The following FHIT variants were observed in gnomAD, a reference collection of about 807,000 sequenced individuals.
FHIT encodes the protein fragile histidine triad diadenosine triphosphatase.
In FHIT, 19 loss-of-function variants were observed where a neutral mutation model predicts 17.9. The observed-to-expected ratio is 1.06, with a 90% CI of 0.74 to 1.56. The LOEUF (loss-of-function observed/expected upper bound fraction) is 1.56. Ranked by LOEUF, FHIT falls within the 40% of genes most tolerant of loss-of-function variation. FHIT has a pLI of 0.00. For missense variants in FHIT, 248 were observed against 189.2 expected (o/e 1.31, Z -1.82); for synonymous variants, 81 against 69.7 (o/e 1.16, Z -0.81).
chr3:60,420,798 A>G (rs1025465894), intron 5 of FHIT, among the ~76,000 whole-genome samples: 1 of 152,130 alleles, frequency 6.6e-6, no homozygotes, highest in East Asian at 1.9e-4. Context: ...CACCTAGCTC[A>G]GTGTTTGCAT....
chr3:60,672,902 T>TGTGTGTGC (rs1321745558), intron 4 of FHIT, among the ~76,000 whole-genome samples: 1 of 151,540 alleles, frequency 6.6e-6, no homozygotes, highest in African/African-American at 2.4e-5. Context: ...TGTGTGTGTG[T>TGTGTGTGC]GTGTGCATGC....
At chr3:59,998,598 G>C (rs996816491) in intron 7 of FHIT, among the ~76,000 whole-genome samples, 31 of 152,018 alleles carry the variant, frequency 2.0e-4, no homozygotes, top group Admixed American at 1.1e-3. Flanking sequence ...TTTCTAAATG[G>C]GGGGAAACTG....
chr3:60,676,550 G>A (rs543975024), intron 4 of FHIT, among the ~76,000 whole-genome samples: 8 of 152,282 alleles, frequency 5.3e-5, no homozygotes, highest in Admixed American at 2.0e-4. Flanking sequence ...AGGTGAGAAT[G>A]GAGGACTTAA....
intron 5 of FHIT, among the ~76,000 whole-genome samples, chr3:60,340,386 A>G (rs914360888): frequency 6.6e-6 from 1 of 152,190 alleles, no homozygotes; most frequent in Non-Finnish European, 1.5e-5. Flanking sequence ...TAAGTGGTAC[A>G]TTGCCTCTGA....
intron 2 of FHIT, among the ~76,000 whole-genome samples, chr3:61,169,846 C>T (rs1429517501): frequency 6.6e-6 from 1 of 152,060 alleles, no homozygotes; most frequent in Non-Finnish European, 1.5e-5. Flanking sequence ...GGATTTATAG[C>T]CAGTGTTAGA....
intron 4 of FHIT, among the ~76,000 whole-genome samples, chr3:60,557,546 C>T (rs1411312954): frequency 1.3e-5 from 2 of 151,716 alleles, no homozygotes; most frequent in African/African-American, 2.4e-5. Flanking sequence ...CCAGGTCTCT[C>T]GGGGTCAAGC....
At chr3:60,860,626 T>G (rs1434197040) in intron 3 of FHIT, among the ~76,000 whole-genome samples, 1 of 96,130 alleles carries the variant, frequency 1.0e-5, no homozygotes, top group East Asian at 2.4e-4. Flanking sequence ...TACATATATA[T>G]CAGGTATATA....
intron 5 of FHIT, among the ~76,000 whole-genome samples, chr3:60,481,875 A>T (rs1347480772): frequency 6.6e-6 from 1 of 152,194 alleles, no homozygotes; most frequent in Admixed American, 6.5e-5. Flanking sequence ...AAAGACACAG[A>T]CTGGCAAATT....
chr3:60,966,365 T>C (rs1575767980), intron 3 of FHIT, among the ~76,000 whole-genome samples: 1 of 152,228 alleles, frequency 6.6e-6, no homozygotes, highest in East Asian at 1.9e-4. Flanking sequence ...GGAAAGGGAA[T>C]TCCCCAACCC....
intron 5 of FHIT, among the ~76,000 whole-genome samples, chr3:60,466,850 T>G (rs531553270): frequency 6.6e-6 from 1 of 151,030 alleles, no homozygotes; most frequent in East Asian, 1.9e-4. Flanking sequence ...TTAATGTGCC[T>G]TTGTCTGGTT....
At chr3:60,070,824 C>T (rs2736817) in intron 5 of FHIT, among the ~76,000 whole-genome samples, 50,753 of 151,920 alleles carry the variant, frequency 0.33, 9,749 homozygotes, top group African/African-American at 0.53. Context: ...TCCTTAATAT[C>T]TTTCTTCAAA....
chr3:61,207,245 A>G (rs1407684684), intron 1 of FHIT, among the ~76,000 whole-genome samples: 1 of 152,248 alleles, frequency 6.6e-6, no homozygotes, highest in South Asian at 2.1e-4. Flanking sequence ...GGGTTTCTGC[A>G]TTGATGTTCA....
rs559957482 is a variant in FHIT, at chr3:60,018,406, G to A, written c.104-4254C>T. On this transcript the variant is annotated intron_variant, in intron 5 of 9. Transcript: ENST00000492590. Reference sequence around the variant, plus strand: ...AGGGTCAAATATCCAATCTATAGCAGTGTTGCTGTGTGACTTTCCAAGGTT... The same window carrying A: ...AGGGTCAAATATCCAATCTATAGCAATGTTGCTGTGTGACTTTCCAAGGTT... Among the ~76,000 whole-genome samples the A allele has an allele frequency of 1.3e-3, 192 of 152,272 alleles. 1 individual carries two copies. Among genetic ancestry groups the A allele is most frequent in the African/African-American group, 4.4e-3 (182 of 41,560 alleles).
chr3:59,991,860 A>G lies in FHIT; in HGVS notation c.279+19511T>C, dbSNP rs1180030093. Among the ~76,000 whole-genome samples, 3 of 152,060 alleles carry G rather than the reference A, an allele frequency of 2.0e-5. No homozygotes were observed. The East Asian group carries it at 5.8e-4, about 29-fold the overall frequency. On this transcript the variant is annotated intron_variant, in intron 7 of 9. Coordinates refer to ENST00000492590, the MANE Select transcript of FHIT (RefSeq NM_002012.4). Reference sequence around the variant, plus strand: ...GAGAAAGAGAAACACAGAGGGAGAGAGAAACACAGAGTCTTGAGTCCCTGG... The same window carrying G: ...GAGAAAGAGAAACACAGAGGGAGAGGGAAACACAGAGTCTTGAGTCCCTGG...
At chr3:60,072,439 A>G (rs979779209) in intron 5 of FHIT, among the ~76,000 whole-genome samples, 1 of 127,852 alleles carries the variant, frequency 7.8e-6, no homozygotes, top group Non-Finnish European at 1.6e-5. Context: ...AACAACAACA[A>G]AACATCGTCA....
intron 7 of FHIT, among the ~76,000 whole-genome samples, chr3:59,991,562 T>G (rs1032658239): frequency 3.9e-5 from 6 of 152,084 alleles, no homozygotes; most frequent in African/African-American, 1.4e-4. Flanking sequence ...ACCCCAGGCT[T>G]AAGTCTCATC....
chr3:60,947,343 T>G (rs1553775958), intron 3 of FHIT, among the ~76,000 whole-genome samples: 1 of 152,226 alleles, frequency 6.6e-6, no homozygotes, highest in Admixed American at 6.5e-5. Flanking sequence ...AAGAAGCATC[T>G]GGTATTAATA....
intron 8 of FHIT, among the ~76,000 whole-genome samples, chr3:59,827,069 A>G (rs1420372257): frequency 1.3e-5 from 2 of 152,188 alleles, no homozygotes; most frequent in Admixed American, 1.3e-4. Context: ...CAGTAAACCA[A>G]TATTTACTAA....
intron 3 of FHIT, among the ~76,000 whole-genome samples, chr3:60,910,197 A>C (rs916936510): frequency 6.6e-6 from 1 of 152,156 alleles, no homozygotes; most frequent in Non-Finnish European, 1.5e-5. Flanking sequence ...GAAGTGTATG[A>C]ATCTGCAGTT....
Sources: gnomAD v4.1 joint callset for allele counts (sites outside exome capture counted in the v4.1 genomes callset) on GRCh38, gnomAD v4.1.1 for gene constraint, MANE v1.5 for transcripts, NCBI Gene and HGNC (gene_info 2026-07-23, HGNC 2026-07-21) for gene names.